SND1: variants seen among roughly 807,000 people sequenced by gnomAD.
SND1 encodes the protein staphylococcal nuclease and tudor domain containing 1.
In SND1, 38 loss-of-function variants were observed where a neutral mutation model predicts 121.7. That is an observed-to-expected ratio of 0.31 (90% CI 0.24 to 0.41). The LOEUF is 0.41. SND1 is among the 10% of genes least tolerant of loss of function. The pLI is 1.00. For synonymous variants in SND1, 401 were observed against 447.4 expected, an observed-to-expected ratio of 0.90 and a Z score of 1.31; for missense variants, 868 against 1,184.6, an observed-to-expected ratio of 0.73 and a Z score of 3.92.
intron 16 of SND1, among the ~76,000 whole-genome samples, chr7:128,039,981 G>A (rs1792821791): frequency 6.6e-6 from 1 of 152,136 alleles, no homozygotes; most frequent in South Asian, 2.1e-4. Flanking sequence ...GGTACCTGCT[G>A]GGCAAGGAGA....
At chr7:128,017,131 G>A (rs1180896784) in intron 16 of SND1, among the ~76,000 whole-genome samples, 1 of 152,166 alleles carries the variant, frequency 6.6e-6, no homozygotes, top group Non-Finnish European at 1.5e-5. Context: ...ACAGTGTAGA[G>A]GGGACAGCAG....
intron 16 of SND1, among the ~76,000 whole-genome samples, chr7:128,006,789 G>C (rs751675237): frequency 5.9e-5 from 9 of 152,212 alleles, no homozygotes; most frequent in Non-Finnish European, 1.2e-4. Flanking sequence ...GCTGCATTTG[G>C]AGGGCTACCT....
chr7:128,020,279 C>A (rs996473478), intron 16 of SND1, among the ~76,000 whole-genome samples: 1 of 152,200 alleles, frequency 6.6e-6, no homozygotes, highest in South Asian at 2.1e-4. Context: ...GGCCTTCCCC[C>A]CTCCCAAAAG....
chr7:127,918,093 G>A (rs1800625434), intron 14 of SND1, among the ~76,000 whole-genome samples: 1 of 140,952 alleles, frequency 7.1e-6, no homozygotes, highest in Admixed American at 7.3e-5. Flanking sequence ...GACAGAGTCT[G>A]ACTTTGTAGC....
At chr7:127,970,284 A>G (rs1465969234) in intron 15 of SND1, among the ~76,000 whole-genome samples, 1 of 152,246 alleles carries the variant, frequency 6.6e-6, no homozygotes, top group Non-Finnish European at 1.5e-5. Context: ...AGTGGAAAGA[A>G]CAACTGCCCA....
chr7:128,069,555 GA>G (rs1793372943), intron 16 of SND1, among the ~76,000 whole-genome samples: 1 of 152,142 alleles, frequency 6.6e-6, no homozygotes, highest in Non-Finnish European at 1.5e-5. Context: ...TCACAGTCTG[GA>G]ACAAGCTTCC....
chr7:127,765,259 T>C (rs1797390664), intron 10 of SND1, among the ~76,000 whole-genome samples: 1 of 152,202 alleles, frequency 6.6e-6, no homozygotes, highest in Admixed American at 6.5e-5. Context: ...CAGATTTTCA[T>C]TTAACAGTCA....
At chr7:127,963,255 TTTTTTTTTTTAATTATAC>T (rs1801775004) in intron 15 of SND1, among the ~76,000 whole-genome samples, 1 of 150,028 alleles carries the variant, frequency 6.7e-6, no homozygotes, top group East Asian at 1.9e-4. Context: ...TTCTTTTCTT[TTTTTTTTTTTAATTATAC>T]TTTAAGTTTT....
intron 1 of SND1, among the ~76,000 whole-genome samples, chr7:127,675,324 G>T (rs867958790): frequency 5.9e-5 from 9 of 152,198 alleles, no homozygotes; most frequent in African/African-American, 1.9e-4. Flanking sequence ...TTATATTTAT[G>T]AGTTGTGATA....
At chr7:127,768,170 C>T (rs147655448) in intron 10 of SND1, among the ~76,000 whole-genome samples, 27 of 152,258 alleles carry the variant, frequency 1.8e-4, no homozygotes, top group African/African-American at 5.5e-4. Context: ...CGGCCTGTCA[C>T]CTTCCATCTT....
chr7:127,868,730 A>G (rs1029830261), intron 12 of SND1, among the ~76,000 whole-genome samples: 14 of 152,204 alleles, frequency 9.2e-5, no homozygotes, highest in Non-Finnish European at 1.6e-4. Context: ...GGAATTTAAA[A>G]TCTCATGTTT....
Position 128,029,691 on chromosome 7 carries a change from T to G in SND1, c.1779+38635T>G. The G allele has an allele frequency of 6.2e-7, 1 of 1,613,850 alleles. No homozygotes were observed. The highest frequency in any genetic ancestry group is 8.5e-7 in the Non-Finnish European group (1 of 1,180,002). On this transcript the variant is annotated intron_variant, in intron 16 of 23. Coordinates refer to ENST00000354725, the MANE Select transcript of SND1 (RefSeq NM_014390.4). This position sits in a 1 kb window ranked among gnomAD's most constrained non-coding sequence, Gnocchi z 4.2. ...GCAGGTGGAATTGGTGGGTATATAC[T>G]CTCGAAGCCACCAGGCTAGCCACAG...
intron 16 of SND1, among the ~76,000 whole-genome samples, chr7:128,012,647 G>A (rs962497177): frequency 6.6e-6 from 1 of 152,076 alleles, no homozygotes; most frequent in Non-Finnish European, 1.5e-5. Flanking sequence ...TTTTGCTCTG[G>A]CTGGTCAGCA....
chr7:128,056,585 A>G (rs1562884684), intron 16 of SND1, among the ~76,000 whole-genome samples: 1 of 152,226 alleles, frequency 6.6e-6, no homozygotes, highest in East Asian at 1.9e-4. Context: ...AGTTGGGACC[A>G]CAAAGTCAAA....
chr7:128,073,483 C>T (rs545037960), intron 16 of SND1, among the ~76,000 whole-genome samples: 1 of 152,314 alleles, frequency 6.6e-6, no homozygotes, highest in Non-Finnish European at 1.5e-5. Context: ...ACCCAGACCA[C>T]CTCCTTGTCC....
chr7:127,935,966 G>A (rs916604105), intron 15 of SND1, among the ~76,000 whole-genome samples: 1 of 152,136 alleles, frequency 6.6e-6, no homozygotes, highest in African/African-American at 2.4e-5. Flanking sequence ...TCAGGCAGAC[G>A]GCCCCACAGC....
intron 12 of SND1, among the ~76,000 whole-genome samples, chr7:127,885,469 A>G (rs1477222594): frequency 6.6e-6 from 1 of 152,130 alleles, no homozygotes; most frequent in African/African-American, 2.4e-5. Context: ...TAAAGGAAAG[A>G]GAGAAGAAAG....
chr7:127,756,775 G>A (rs1797204422), intron 10 of SND1, among the ~76,000 whole-genome samples: 1 of 152,100 alleles, frequency 6.6e-6, no homozygotes, highest in Non-Finnish European at 1.5e-5. Context: ...ATTGCCAGAT[G>A]GCCACCAGGA....
intron 10 of SND1, among the ~76,000 whole-genome samples, chr7:127,782,719 CT>C (rs1166830404): frequency 6.6e-6 from 1 of 152,148 alleles, no homozygotes; most frequent in Non-Finnish European, 1.5e-5. Flanking sequence ...CTGTAGACCT[CT>C]GTGTGTGATT....
Sources: gnomAD v4.1 joint callset for allele counts (sites outside exome capture counted in the v4.1 genomes callset) on GRCh38, gnomAD v4.1.1 for gene constraint, Gnocchi (gnomAD v3.1) non-coding constraint, MANE v1.5 for transcripts, NCBI Gene and HGNC (gene_info 2026-07-23, HGNC 2026-07-21) for gene names.